SDK1: variants seen among roughly 807,000 people sequenced by gnomAD.
SDK1 encodes sidekick cell adhesion molecule 1.
SDK1 carries 157 observed loss-of-function variants against 245.5 expected under a neutral mutation model. That is an observed-to-expected ratio of 0.64 (90% confidence interval 0.56 to 0.73). The LOEUF (loss-of-function observed/expected upper bound fraction) is 0.73, where lower values mean the gene tolerates loss of function less well. SDK1 is among the 30% of genes least tolerant of loss of function. SDK1 has a pLI of 0.00. For synonymous variants in SDK1, 1,647 were observed against 1,278.5 expected, an observed-to-expected ratio of 1.29 and a Z score of -6.15; for missense variants, 3,583 against 3,002.3, an observed-to-expected ratio of 1.19 and a Z score of -4.52.
chr7:4,193,394 ATAT>A (rs373799074), intron 35 of SDK1, among the ~76,000 whole-genome samples: 24,934 of 130,448 alleles, frequency 0.19, 2,373 homozygotes, highest in Middle Eastern at 0.3. Context: ...ATATATATAT[ATAT>A]AAAGGGGAGT....
intron 2 of SDK1, among the ~76,000 whole-genome samples, chr7:3,625,658 A>G (rs1398658991): frequency 6.6e-6 from 1 of 152,252 alleles, no homozygotes; most frequent in Non-Finnish European, 1.5e-5. Flanking sequence ...TGGGTGAAAG[A>G]GGAAATTATT....
intron 1 of SDK1, among the ~76,000 whole-genome samples, chr7:3,574,596 G>A (rs772770870): frequency 2.6e-5 from 4 of 152,058 alleles, no homozygotes; most frequent in South Asian, 2.1e-4. Flanking sequence ...TGGGTGCAGC[G>A]TGCCTGCCAT....
At chr7:4,091,150 C>G (rs1781763000) in intron 22 of SDK1, among the ~76,000 whole-genome samples, 1 of 151,962 alleles carries the variant, frequency 6.6e-6, no homozygotes, top group African/African-American at 2.4e-5. Flanking sequence ...ATCTTCTTTC[C>G]AGGACTTAAG....
rs61734788 is a variant in SDK1, at chr7:4,130,065, C to T, written c.4097C>T (p.Thr1366Met). Residue 1366 changes from threonine to methionine, a missense_variant, in exon 27 of 45, where the codon ACG (threonine) becomes ATG (methionine). By Grantham distance (81) the Thr-to-Met change is moderately conservative (BLOSUM62 -1). Transcript: ENST00000404826. ...FTRIGNGVPS[T>M]PLILERTKDD... ...CGCATCGGGAACGGGGTCCCCAGCA[C>T]GCCCCTCATCCTGGAGCGCACCAAA... 4.1e-3 allele frequency: 6,673 copies of T among 1,610,930 alleles called. 230 individuals carry two copies. The African/African-American group carries it at 0.076, about 18-fold the overall frequency.
chr7:4,212,366 A>G (rs1244676671), intron 38 of SDK1, among the ~76,000 whole-genome samples: 1 of 152,238 alleles, frequency 6.6e-6, no homozygotes, highest in African/African-American at 2.4e-5. Context: ...ATACTTTTGT[A>G]TCATCAATTC....
chr7:4,210,119 G>T lies in SDK1; in HGVS notation c.5496G>T (p.Leu1832=), dbSNP rs780669549. ...AGCCTGCGGCGGCCAACGGCATCCT[G>T]CAGGGCTATCGGGTGGTGTACGAGC... ...WGEPAAANGI[L]QGYRVVYEPL... Residue 1832 remains leucine (L), a synonymous_variant, in exon 38 of 45, where the codon CTG becomes CTT. Transcript: ENST00000404826. 4 of 1,608,766 alleles carry T rather than the reference G, an allele frequency of 2.5e-6. No homozygotes were observed. The highest frequency in any genetic ancestry group is 3.4e-5 in the Admixed American group (2 of 58,818).
intron 1 of SDK1, among the ~76,000 whole-genome samples, chr7:3,595,128 C>A (rs577045606): frequency 6.6e-6 from 1 of 152,166 alleles, no homozygotes; most frequent in Admixed American, 6.5e-5. Context: ...AATTTTCTCC[C>A]GATTACTTTT....
At chr7:3,993,515 G>T (rs149519458) in intron 14 of SDK1, among the ~76,000 whole-genome samples, 139 of 151,990 alleles carry the variant, frequency 9.1e-4, no homozygotes, top group African/African-American at 3.1e-3. Flanking sequence ...ATTATACCTT[G>T]TAATATTTAA....
At chr7:4,153,730 G>A (rs1480096195) in intron 30 of SDK1, among the ~76,000 whole-genome samples, 2 of 152,202 alleles carry the variant, frequency 1.3e-5, no homozygotes, top group East Asian at 3.8e-4. Context: ...GGGCTGGAGT[G>A]CAGTAGCTCC....
chr7:3,411,171 A>G lies in SDK1; in HGVS notation c.298+109287A>G, dbSNP rs1459242585. Among the ~76,000 whole-genome samples, 6 of 152,298 alleles carry G rather than the reference A, an allele frequency of 3.9e-5. No homozygotes were observed. In the East Asian group the frequency reaches 9.7e-4, roughly 25 times the overall value. ...GAGAAGGGAAGATCAGTGTAGGGCA[A>G]AGCAAATCCAAGAGAGCCGGGAAGA... On this transcript the variant is annotated intron_variant, in intron 1 of 44. Coordinates refer to ENST00000404826, the MANE Select transcript of SDK1 (RefSeq NM_152744.4).
chr7:4,227,784 G>T (rs1348311605), intron 40 of SDK1, among the ~76,000 whole-genome samples: 1 of 152,206 alleles, frequency 6.6e-6, no homozygotes, highest in Non-Finnish European at 1.5e-5. Context: ...ACCCTTCGAC[G>T]TGCTGCGCTG....
chr7:3,407,952 C>T (rs960013303), intron 1 of SDK1, among the ~76,000 whole-genome samples: 2 of 152,148 alleles, frequency 1.3e-5, no homozygotes, highest in African/African-American at 2.4e-5. Flanking sequence ...AGGGTATAAG[C>T]AGGGGGCTGG....
chr7:3,805,027 T>C (rs185586867), intron 4 of SDK1, among the ~76,000 whole-genome samples: 126 of 152,292 alleles, frequency 8.3e-4, no homozygotes, highest in Non-Finnish European at 1.4e-3. Context: ...TTTTAAATGT[T>C]CTTACCACAA....
intron 1 of SDK1, among the ~76,000 whole-genome samples, chr7:3,330,263 A>C (rs538583371): frequency 2.0e-5 from 3 of 152,212 alleles, no homozygotes; most frequent in Admixed American, 2.0e-4. Flanking sequence ...ATGAACTGCT[A>C]GTTTCCTAAG....
At chr7:3,459,451 T>C (rs1364138724) in intron 1 of SDK1, among the ~76,000 whole-genome samples, 2 of 152,204 alleles carry the variant, frequency 1.3e-5, no homozygotes, top group Admixed American at 6.5e-5. Context: ...CCCAGTGCCA[T>C]GAAGAACCCA....
intron 13 of SDK1, among the ~76,000 whole-genome samples, chr7:3,978,066 C>A (rs1442641722): frequency 1.3e-5 from 2 of 152,118 alleles, no homozygotes; most frequent in Admixed American, 6.5e-5. Flanking sequence ...TTTCCTCCTT[C>A]CTTTCGGGTC....
chr7:4,113,556 C>G, intron 24 of SDK1, 117 bp downstream of exon 24: 10 of 1,250,372 alleles, frequency 8.0e-6, no homozygotes, highest in Non-Finnish European at 1.1e-5. Context: ...CAAAACTAAT[C>G]TCATCGTCAA....
intron 28 of SDK1, among the ~76,000 whole-genome samples, chr7:4,141,027 G>A (rs999298287): frequency 6.6e-6 from 1 of 152,214 alleles, no homozygotes; most frequent in Non-Finnish European, 1.5e-5. Flanking sequence ...TGGGTCAGGA[G>A]CCAGGTCTCC....
intron 1 of SDK1, among the ~76,000 whole-genome samples, chr7:3,328,412 T>G (rs562533840): frequency 1.3e-5 from 2 of 152,178 alleles, no homozygotes; most frequent in Admixed American, 1.3e-4. Context: ...TTTTAGATCA[T>G]GCTAACATTC....
Sources: gnomAD v4.1 joint callset for allele counts (sites outside exome capture counted in the v4.1 genomes callset) on GRCh38, gnomAD v4.1.1 for gene constraint, MANE v1.5 for transcripts, NCBI Gene and HGNC (gene_info 2026-07-23, HGNC 2026-07-21) for gene names.